Variants in MYO1A observed in about 807,000 individuals in gnomAD.
The protein encoded by MYO1A is myosin IA.
A neutral mutation model predicts 138.5 loss-of-function variants in MYO1A; 127 were observed. The observed-to-expected ratio is 0.92, with a 90% confidence interval of 0.79 to 1.06. The LOEUF (loss-of-function observed/expected upper bound fraction) is 1.06. MYO1A is among the 50% of genes least tolerant of loss of function. The pLI is 0.00. For missense variants in MYO1A, 1,211 were observed against 1,288.8 expected, an observed-to-expected ratio of 0.94 and a Z score of 0.92; for synonymous variants, 477 against 497.5, an observed-to-expected ratio of 0.96 and a Z score of 0.55.
At position 57,029,867 on chromosome 12, in the gene MYO1A, G is replaced by A. The variant is rs751363617; in HGVS notation, c.2597C>T (p.Pro866Leu). 6.2e-7 allele frequency: 1 copy of A among 1,614,168 alleles called. No individual in the cohort carries two copies. Among genetic ancestry groups the A allele is most frequent in the East Asian group, 2.2e-5 (1 of 44,856 alleles). ...AATGTAGTCACCACAGAATGGAATGGGGACACTGAGAACACATGGGAGGTG... is the reference window on the plus strand; with the variant it reads ...AATGTAGTCACCACAGAATGGAATGAGGACACTGAGAACACATGGGAGGTG... ...GKKASYPQSV[P>L]IPFCGDYIGL... The change falls in exon 25 of 28, where the codon CCC (proline) becomes CTC (leucine). Residue 866 changes from proline (P) to leucine (L), a missense_variant. Physicochemically the swap from Pro to Leu is moderately conservative, Grantham distance 98 (BLOSUM62 -3). Coordinates refer to ENST00000300119, the MANE Select transcript of MYO1A (RefSeq NM_005379.4).
In MYO1A at chr12:57,039,016, C is replaced by T. The variant is rs372014010; in HGVS notation, c.1333-7G>A. 15 of 1,611,984 alleles carry T rather than the reference C, an allele frequency of 9.3e-6. No individual in the cohort carries two copies. The highest frequency in any genetic ancestry group is 1.6e-4 in the Middle Eastern group (1 of 6,080). On this transcript the variant is annotated splice_region_variant and splice_polypyrimidine_tract_variant and intron_variant, in intron 15 of 27. Transcript: ENST00000300119. The stretch of plus-strand genomic sequence containing the variant: ...CCAGGATACCTCGCTGATTCTGGGC[C>T]GGGGGAACAAAAGAAGCCCAACCTA...
intron 3 of MYO1A, 43 bp from the exon 4 acceptor site, chr12:57,047,764 C>A: frequency 6.2e-7 from 1 of 1,611,624 alleles, no homozygotes; most frequent in Non-Finnish European, 8.5e-7. Context: ...GAAACCAGTT[C>A]AAGACACCAT....
At chr12:57,034,258 T>A (rs2030423892) in intron 22 of MYO1A, among the ~76,000 whole-genome samples, 1 of 152,182 alleles carries the variant, frequency 6.6e-6, no homozygotes, top group South Asian at 2.1e-4. Flanking sequence ...TTATTTAACC[T>A]CTCTGAGCCT....
intron 22 of MYO1A, among the ~76,000 whole-genome samples, chr12:57,033,285 A>G (rs1044088931): frequency 3.9e-5 from 6 of 152,278 alleles, no homozygotes; most frequent in Admixed American, 1.3e-4. Context: ...CCAGGATCCA[A>G]TCAAGCTTCA....
At chr12:57,030,543 A>C (rs1455606669) in intron 23 of MYO1A, among the ~76,000 whole-genome samples, 1 of 152,170 alleles carries the variant, frequency 6.6e-6, no homozygotes, top group Non-Finnish European at 1.5e-5. Context: ...TAAAAGCACC[A>C]GGAGGGCTCT....
Position 57,029,165 on chromosome 12 carries a change from G to A in MYO1A, c.2972C>T (p.Thr991Met), listed in dbSNP as rs200914927. The change falls in exon 27 of 28, where the codon ACG becomes ATG. Residue 991 changes from threonine to methionine, a missense_variant. By Grantham distance (81) the Thr-to-Met change is moderately conservative. Transcript: ENST00000300119. ...TKMYRAVLDA[T>M]QRQLTVTVTE... ...CACGGTGACTGTAAGCTGCCTCTGC[G>A]TGGCATCCAGCACAGCCCGGTACAT... is the stretch of plus-strand genomic sequence containing the variant. 82 of 1,613,932 alleles carry A rather than the reference G, an allele frequency of 5.1e-5. No individual in the cohort carries two copies. Among genetic ancestry groups the A allele is most frequent in the East Asian group, 3.3e-4 (15 of 44,892 alleles).
chr12:57,036,382 C>T lies in MYO1A; in HGVS notation c.2275-1G>A, dbSNP rs754405524. The stretch of plus-strand genomic sequence containing the variant: ...AATATTTGCGATAATTCTTTCGGGC[C>T]TGGCAGAAAAGTACAAGAAAGGAGC... On this transcript the variant is annotated splice_acceptor_variant, in intron 21 of 27. Coordinates refer to ENST00000300119, the MANE Select transcript of MYO1A (RefSeq NM_005379.4). LOFTEE classifies it high-confidence loss of function. The T allele has an allele frequency of 6.2e-7, 1 of 1,613,854 alleles. No homozygotes were observed. Among genetic ancestry groups the T allele is most frequent in the Non-Finnish European group, 8.5e-7 (1 of 1,179,848 alleles).
intron 15 of MYO1A, 68 bp downstream of exon 15, chr12:57,039,144 G>C (rs1175114239): frequency 1.3e-6 from 2 of 1,573,148 alleles, no homozygotes; most frequent in Non-Finnish European, 1.7e-6. Context: ...ATCAGGGAGA[G>C]AGACAGGGGA....
At chr12:57,030,904 G>C (rs2030246381) in intron 23 of MYO1A, 136 bp downstream of exon 23, 4 of 1,085,038 alleles carry the variant, frequency 3.7e-6, no homozygotes, top group Admixed American at 4.9e-5. Flanking sequence ...CCGTTAAAAT[G>C]GTAGATTGTA....
Position 57,037,507 on chromosome 12 carries a change from C to T in MYO1A, c.2055+41G>A. 4 of 1,582,804 alleles carry T rather than the reference C, an allele frequency of 2.5e-6. No individual in the cohort carries two copies. In the African/African-American group the frequency reaches 4.0e-5, roughly 16 times the overall value. ...AGCCTTTCTCAGGTGGGCTCTTCCA[C>T]CTTCTACCCTCACCAAATGCTAATG... On this transcript the variant is annotated intron_variant, in intron 19 of 27. Transcript: ENST00000300119.
chr12:57,030,391 G>T, intron 23 of MYO1A, 75 bp from the exon 24 acceptor site: 1 of 1,206,028 alleles, frequency 8.3e-7, no homozygotes, highest in South Asian at 1.2e-5. Flanking sequence ...GAGAAATATT[G>T]ACTAGAAGAC....
At chr12:57,047,018 G>A in intron 6 of MYO1A, 43 bp downstream of exon 6, 1 of 1,612,236 alleles carries the variant, frequency 6.2e-7, no homozygotes, top group South Asian at 1.1e-5. Flanking sequence ...TCCCTCTTAA[G>A]CCCCCACATC....
At chr12:57,031,316 G>GAGTC in intron 22 of MYO1A, 142 bp from the exon 23 acceptor site, 1 of 1,039,912 alleles carries the variant, frequency 9.6e-7, no homozygotes. Context: ...AGATGGAAGG[G>GAGTC]AGTCACCTCT....
Position 57,047,309 on chromosome 12 carries a change from GCA to G in MYO1A, c.422_423del (p.Val141AlafsTer25). The G allele has an allele frequency of 6.2e-7, 1 of 1,613,572 alleles. No homozygotes were observed. On this transcript the variant is annotated frameshift_variant, in exon 5 of 28. Coordinates refer to ENST00000300119, the MANE Select transcript of MYO1A (RefSeq NM_005379.4). LOFTEE classifies it high-confidence loss of function. ...VKEQLLQSNPVLEAFGNAKTI... is the reference protein window; with the variant it reads ...VKEQLLQSNPXLEAFGNAKTI... The stretch of plus-strand genomic sequence containing the variant: ...CAGAGAGCAGAATTCTCACCCTCCA[GCA>G]CTGGGTTAGACTGTAGCAGCTGCTC...
At position 57,038,942 on chromosome 12, in the gene MYO1A, G is replaced by A; in HGVS notation, c.1400C>T (p.Thr467Ile). The change falls in exon 16 of 28, where the codon ACT becomes ATT. Residue 467 changes from threonine to isoleucine, a missense_variant. By Grantham distance (89) the Thr-to-Ile change is moderately conservative. Transcript: ENST00000300119. ...CLRPGVVSDS[T>I]FLAKLNQLFS... is the part of the protein sequence containing the mutation. ...GAGCTGGTTCAGCTTTGCTAGGAAAGTGGAGTCACTGACCACCCCAGGCCG... is the reference window on the plus strand; with the variant it reads ...GAGCTGGTTCAGCTTTGCTAGGAAAATGGAGTCACTGACCACCCCAGGCCG... The A allele has an allele frequency of 6.2e-7, 1 of 1,614,224 alleles. No individual in the cohort carries two copies. The highest frequency in any genetic ancestry group is 8.5e-7 in the Non-Finnish European group (1 of 1,180,052).
intron 14 of MYO1A, among the ~76,000 whole-genome samples, chr12:57,040,764 G>A (rs2030821630): frequency 6.6e-6 from 1 of 152,210 alleles, no homozygotes; most frequent in African/African-American, 2.4e-5. Flanking sequence ...TTCTGGTGAG[G>A]AAGTCTGGGA....
chr12:57,036,217 A>G, intron 22 of MYO1A, 90 bp downstream of exon 22: 1 of 1,286,436 alleles, frequency 7.8e-7, no homozygotes, highest in South Asian at 1.2e-5. Flanking sequence ...TCTTGGGGGA[A>G]AGCTTTGGGT....
intron 23 of MYO1A, 109 bp from the exon 24 acceptor site, chr12:57,030,425 G>A: frequency 6.5e-6 from 6 of 921,918 alleles, no homozygotes; most frequent in South Asian, 2.8e-5. Context: ...AGAGACTGAG[G>A]AAAAAGGACA....
chr12:57,042,053 G>A (rs1026242412), intron 12 of MYO1A, among the ~76,000 whole-genome samples: 6 of 152,042 alleles, frequency 3.9e-5, no homozygotes, highest in African/African-American at 1.4e-4. Flanking sequence ...ATATTCAAAA[G>A]GTTGTACAAC....
Sources: allele counts gnomAD v4.1 joint callset (sites outside exome capture counted in the v4.1 genomes callset), GRCh38; gene constraint gnomAD v4.1.1; transcripts MANE v1.5; gene names NCBI Gene and HGNC (gene_info 2026-07-23, HGNC 2026-07-21).